ACADSB: variants seen among roughly 807,000 people sequenced by gnomAD.
ACADSB encodes the protein short/branched chain specific acyl-CoA dehydrogenase, mitochondrial.
In ACADSB, 40 loss-of-function variants were observed where a neutral mutation model predicts 54.1. The ratio of observed to expected loss-of-function variants is 0.74; its 90% CI spans 0.57 to 0.96. The LOEUF is 0.96. ACADSB is among the 40% of genes least tolerant of loss of function. The pLI is 0.00. For missense variants in ACADSB, 530 were observed against 510.4 expected (o/e 1.04, Z -0.37); for synonymous variants, 182 against 182.8 (o/e 1.00, Z 0.03).
intron 1 of ACADSB, among the ~76,000 whole-genome samples, chr10:123,023,140 T>C (rs1850205814): frequency 6.6e-6 from 1 of 152,230 alleles, no homozygotes; most frequent in Admixed American, 6.5e-5. Context: ...CTCTCATTTG[T>C]CAAAACAAAC....
chr10:123,025,130 A>C (rs970924784), intron 1 of ACADSB, among the ~76,000 whole-genome samples: 1 of 152,146 alleles, frequency 6.6e-6, no homozygotes, highest in East Asian at 1.9e-4. Context: ...GTTAAACCAG[A>C]TCACCCTGAA....
chr10:123,018,694 G>T (rs755789145), intron 1 of ACADSB, among the ~76,000 whole-genome samples: 2 of 152,166 alleles, frequency 1.3e-5, no homozygotes, highest in Admixed American at 6.5e-5. Context: ...GCAGTTCCAC[G>T]TGGCTGACGA....
At position 123,053,250 on chromosome 10, in the gene ACADSB, T is replaced by C. The variant is rs543640083; in HGVS notation, c.1228+90T>C. On this transcript the variant is annotated intron_variant, in intron 10 of 10. Transcript: ENST00000358776. Reference sequence around the variant, plus strand: ...TTTTATTTGTCGTTTTTTTCCTAGGTAAAAGCAATTTTAATTTCTTCAGTA... The same window carrying C: ...TTTTATTTGTCGTTTTTTTCCTAGGCAAAAGCAATTTTAATTTCTTCAGTA... The C allele has an allele frequency of 1.1e-3, 1,124 of 1,068,934 alleles. 2 individuals carry two copies. Among genetic ancestry groups the C allele is most frequent in the Non-Finnish European group, 1.4e-3 (990 of 721,930 alleles). The allele number at this position is 1,068,934 out of a possible 1,614,324, so 66.2% of individuals were successfully genotyped here.
At position 123,043,069 on chromosome 10, in the gene ACADSB, C is replaced by G. The variant is rs374023307; in HGVS notation, c.705C>G (p.Phe235Leu). The change falls in exon 6 of 11, where the codon TTC (phenylalanine) becomes TTG (leucine). Residue 235 changes from phenylalanine (F) to leucine (L), a missense_variant. By Grantham distance (22) the Phe-to-Leu change is conservative (BLOSUM62 0). Coordinates refer to ENST00000358776, the MANE Select transcript of ACADSB (RefSeq NM_001609.4). Reference protein sequence around the residue: ...PTIGYKGITSFLVDRDTPGLH... With the variant: ...PTIGYKGITSLLVDRDTPGLH... The stretch of plus-strand genomic sequence containing the variant: ...AGGGATATAAGGGAATTACCTCCTT[C>G]TTAGTAGATCGTGATACTCCGGGCC... 61 of 1,613,914 alleles carry G rather than the reference C, an allele frequency of 3.8e-5. No individual in the cohort carries two copies. The highest frequency in any genetic ancestry group is 5.2e-5 in the Non-Finnish European group (61 of 1,179,808).
rs1310201970 is a variant in ACADSB, at chr10:123,045,605, C to T, written c.900+1120C>T. 2.6e-5 allele frequency among the ~76,000 whole-genome samples: 4 copies of T among 152,052 alleles called. No homozygotes were observed. In the East Asian group the frequency reaches 5.8e-4, roughly 22 times the overall value. On this transcript the variant is annotated intron_variant, in intron 7 of 10. Transcript: ENST00000358776. Reference sequence around the variant, plus strand: ...GATTATTACTCTAGATTTTTTTCTGCTGCTGTTACTTTGCTAACTATTTTT... The same window carrying T: ...GATTATTACTCTAGATTTTTTTCTGTTGCTGTTACTTTGCTAACTATTTTT...
chr10:123,020,183 A>G (rs1380131322), intron 1 of ACADSB, among the ~76,000 whole-genome samples: 1 of 152,178 alleles, frequency 6.6e-6, no homozygotes, highest in Non-Finnish European at 1.5e-5. Flanking sequence ...AGGGGGAGAA[A>G]GGGCCTCTAT....
At position 123,054,124 on chromosome 10, in the gene ACADSB, T is replaced by G; in HGVS notation, c.*359T>G. ...TCACTGCAGCCTTGACCTCCTGGGT[T>G]CCAGTGATTCTCATGCCTCATCCTC... On this transcript the variant is annotated 3_prime_UTR_variant, in exon 11 of 11. Coordinates refer to ENST00000358776, the MANE Select transcript of ACADSB (RefSeq NM_001609.4). 3.8e-6 allele frequency: 1 copy of G among 261,988 alleles called. No individual in the cohort carries two copies. The highest frequency in any genetic ancestry group is 7.5e-6 in the Non-Finnish European group (1 of 133,660). 16.2% of individuals were successfully genotyped at this position (261,988 alleles called of 1,614,324 possible). A position where few individuals can be genotyped will look rare whatever the true frequency, so the allele number is the denominator to read the frequency against.
intron 10 of ACADSB, among the ~76,000 whole-genome samples, 190 bp from the exon 11 acceptor site, chr10:123,053,505 C>G (rs1352062060): frequency 6.6e-6 from 1 of 152,072 alleles, no homozygotes; most frequent in Non-Finnish European, 1.5e-5. Flanking sequence ...TCCTGGACAT[C>G]GAGAAACCAA....
rs1465189746 is a variant in ACADSB at position 123,057,814 on chromosome 10, A to G, written c.*4049A>G. ...ATTACTTGCCTAAGATCATCCAGGA[A>G]CGAAGACAAGAATCCAAATGTACTT... is the stretch of plus-strand genomic sequence containing the variant. On this transcript the variant is annotated 3_prime_UTR_variant, in exon 11 of 11. Coordinates refer to ENST00000358776, the MANE Select transcript of ACADSB (RefSeq NM_001609.4). The G allele has an allele frequency of 6.6e-6, 1 of 152,256 alleles. No homozygotes were observed. Among genetic ancestry groups the G allele is most frequent in the Non-Finnish European group, 1.5e-5 (1 of 68,040 alleles). The allele number at this position is 152,256 out of a possible 1,614,324, so 9.4% of individuals were successfully genotyped here. A position where few individuals can be genotyped will look rare whatever the true frequency, so the allele number is the denominator to read the frequency against.
intron 1 of ACADSB, among the ~76,000 whole-genome samples, chr10:123,014,744 T>C (rs1850090229): frequency 1.3e-5 from 2 of 152,222 alleles, no homozygotes; most frequent in South Asian, 4.1e-4. Flanking sequence ...TGGGCAGATA[T>C]GCTTATAGGA....
At chr10:123,022,652 G>T (rs1850197648) in intron 1 of ACADSB, among the ~76,000 whole-genome samples, 2 of 152,014 alleles carry the variant, frequency 1.3e-5, no homozygotes, top group African/African-American at 4.8e-5. Context: ...AGCCTTTCTG[G>T]CATATTCTGT....
In ACADSB at chr10:123,053,091, G is replaced by A. The variant is rs188094280; in HGVS notation, c.1159G>A (p.Glu387Lys). Residue 387 changes from glutamate to lysine, a missense_variant, in exon 10 of 11, where the codon GAG (glutamate) becomes AAG (lysine). Glu to Lys is a moderately conservative substitution (Grantham distance 56). Transcript: ENST00000358776. ...IAGQTTSKCI[E>K]WMGGVGYTKD... ...AGGACAAACAACGAGTAAATGTATCGAGTGGATGGGGGGAGTAGGCTACAC... is the reference window on the plus strand; with the variant it reads ...AGGACAAACAACGAGTAAATGTATCAAGTGGATGGGGGGAGTAGGCTACAC... 2.4e-4 allele frequency: 380 copies of A among 1,614,040 alleles called. No homozygotes were observed. Among genetic ancestry groups the A allele is most frequent in the Middle Eastern group, 1.8e-3 (11 of 6,062 alleles).
rs772331528 is a variant in ACADSB, at chr10:123,009,044, A to G, written c.15A>G (p.Ala5=). The G allele has an allele frequency of 5.2e-6, 8 of 1,548,020 alleles. No individual in the cohort carries two copies. Among genetic ancestry groups the G allele is most frequent in the Middle Eastern group, 1.7e-4 (1 of 5,778 alleles). The stretch of plus-strand genomic sequence containing the variant: ...CTGCGGCGAGGATGGAGGGCCTGGC[A>G]GTGCGGTTGCTGCGCGGCAGCAGGC... The part of the protein sequence containing the change: MEGL[A]VRLLRGSRLL... The change falls in exon 1 of 11, where the codon GCA becomes GCG. Residue 5 remains alanine, a synonymous_variant. Coordinates refer to ENST00000358776, the MANE Select transcript of ACADSB (RefSeq NM_001609.4).
At position 123,052,825 on chromosome 10, in the gene ACADSB, T is replaced by C; in HGVS notation, c.1129-236T>C. On this transcript the variant is annotated intron_variant, in intron 9 of 10. Coordinates refer to ENST00000358776, the MANE Select transcript of ACADSB (RefSeq NM_001609.4). This position sits in a 1 kb window ranked among gnomAD's most constrained non-coding sequence, Gnocchi z 4.2. Reference sequence around the variant, plus strand: ...TAAATGATATCTCTCAGCATGCAGATTCATGTGAACAATGCTCTAATTTCT... The same window carrying C: ...TAAATGATATCTCTCAGCATGCAGACTCATGTGAACAATGCTCTAATTTCT... The C allele has an allele frequency of 1.8e-6, 1 of 542,712 alleles. No homozygotes were observed. The allele number at this position is 542,712 out of a possible 1,614,324, so 33.6% of individuals were successfully genotyped here.
rs1849955192 is a variant in ACADSB, at chr10:123,009,079, C to G, written c.42+8C>G. 6.5e-7 allele frequency: 1 copy of G among 1,545,616 alleles called. No individual in the cohort carries two copies. The highest frequency in any genetic ancestry group is 8.7e-7 in the Non-Finnish European group (1 of 1,146,660). ...CTGCGCGGCAGCAGGCTGGTGAGTG[C>G]GTTCGAGGCTGGCGTCCTGGGGGCC... On this transcript the variant is annotated splice_region_variant and intron_variant, in intron 1 of 10. Transcript: ENST00000358776.
chr10:123,024,209 T>C (rs1217611205), intron 1 of ACADSB, among the ~76,000 whole-genome samples: 1 of 152,244 alleles, frequency 6.6e-6, no homozygotes, highest in African/African-American at 2.4e-5. Context: ...GGGTTTCTTT[T>C]GTCCTTAGCC....
chr10:123,053,941 G>T lies in ACADSB; in HGVS notation c.*176G>T. 1 of 652,424 alleles carries T rather than the reference G, an allele frequency of 1.5e-6. No homozygotes were observed. The highest frequency in any genetic ancestry group is 2.7e-5 in the East Asian group (1 of 36,788). The allele number at this position is 652,424 out of a possible 1,614,324, so 40.4% of individuals were successfully genotyped here. On this transcript the variant is annotated 3_prime_UTR_variant, in exon 11 of 11. Coordinates refer to ENST00000358776, the MANE Select transcript of ACADSB (RefSeq NM_001609.4). ...CTTTTTGGTTTTCTCTTTTCAGGCTGTTTAACTTAGGCACAGGAGATCCAC... is the reference window on the plus strand; with the variant it reads ...CTTTTTGGTTTTCTCTTTTCAGGCTTTTTAACTTAGGCACAGGAGATCCAC...
Position 123,045,343 on chromosome 10 carries a change from CA to C in ACADSB, c.900+860del, listed in dbSNP as rs1169853687. Among the ~76,000 whole-genome samples, 8 of 4,600 alleles carry C rather than the reference CA, an allele frequency of 1.7e-3. No homozygotes were observed. In the South Asian group the frequency reaches 0.053, roughly 31 times the overall value. The allele number at this position is 4,600 out of a possible 152,430, so 3.0% of individuals were successfully genotyped here. A position where few individuals can be genotyped will look rare whatever the true frequency, so the allele number is the denominator to read the frequency against. ...ACAGGCGCCCGCCACCACGCCCAGC[CA>C]ATTTTTTTTGTATTTTTAGTAGAGA... On this transcript the variant is annotated intron_variant, in intron 7 of 10. Transcript: ENST00000358776.
rs549512133 is a variant in ACADSB at position 123,013,277 on chromosome 10, C to T, written c.42+4206C>T. ...ACCAGATTAGCTAGATACAGAGTAC[C>T]GATTGGTGCATCCACAAACCCTGAG... On this transcript the variant is annotated intron_variant, in intron 1 of 10. Transcript: ENST00000358776. Among the ~76,000 whole-genome samples, 34 of 151,712 alleles carry T rather than the reference C, an allele frequency of 2.2e-4. 1 individual carries two copies. The South Asian group carries it at 5.2e-3, about 23-fold the overall frequency.
Sources: allele counts gnomAD v4.1 joint callset (sites outside exome capture counted in the v4.1 genomes callset), GRCh38; gene constraint gnomAD v4.1.1; non-coding constraint Gnocchi (gnomAD v3.1); transcripts MANE v1.5; gene names NCBI Gene and HGNC (gene_info 2026-07-23, HGNC 2026-07-21).